Variants in RASSF8 observed in about 807,000 individuals in gnomAD.
RASSF8 encodes ras association domain-containing protein 8.
A neutral mutation model predicts 48.5 loss-of-function variants in RASSF8; 22 were observed. The observed-to-expected ratio is 0.45, with a 90% CI of 0.32 to 0.65. The LOEUF (loss-of-function observed/expected upper bound fraction) is 0.65, where lower values mean the gene tolerates loss of function less well. Among genes scored for constraint, RASSF8 ranks in the 30% least tolerant of loss-of-function variants. RASSF8 has a pLI of 0.03. For synonymous variants in RASSF8, 127 were observed against 171.5 expected (o/e 0.74, Z 2.03); for missense variants, 418 against 489.2 (o/e 0.85, Z 1.37).
In RASSF8 at chr12:26,057,249, G is replaced by C. The variant is rs111911312; in HGVS notation, c.103+1803G>C. On this transcript the variant is annotated intron_variant, in intron 3 of 5. Transcript: ENST00000689635. ...TGCACCCATTAAGTCATTTACATTG[G>C]ATATTTCTCCTAATGCTATCCCTAC... 6.5e-3 allele frequency among the ~76,000 whole-genome samples: 989 copies of C among 152,142 alleles called. 6 individuals are homozygous for C. The highest frequency in any genetic ancestry group is 0.022 in the African/African-American group (933 of 41,492).
At chr12:26,027,236 T>C (rs1942934023) in intron 2 of RASSF8, among the ~76,000 whole-genome samples, 1 of 152,318 alleles carries the variant, frequency 6.6e-6, no homozygotes, top group Middle Eastern at 3.4e-3. Flanking sequence ...GGTTATTTTT[T>C]GGGTAATGAG....
At chr12:26,038,454 T>A (rs1592295953) in intron 2 of RASSF8, among the ~76,000 whole-genome samples, 1 of 152,316 alleles carries the variant, frequency 6.6e-6, no homozygotes, top group East Asian at 1.9e-4. Flanking sequence ...CAAAACTAGA[T>A]ATTTGGCTTT....
At position 25,959,019 on chromosome 12, in the gene RASSF8, G is replaced by A. The variant is rs956041210; in HGVS notation, c.-332G>A. 3 of 146,890 alleles carry A rather than the reference G, an allele frequency of 2.0e-5. No homozygotes were observed. The highest frequency in any genetic ancestry group is 7.3e-5 in the African/African-American group (3 of 40,888). 9.1% of individuals were successfully genotyped at this position (146,890 alleles called of 1,614,324 possible). ...CGGGGCGCGCGGCGCGGGGAGCGCC[G>A]GGGAGTGCCGGGGAGTGCGGCGCGG... On this transcript the variant is annotated 5_prime_UTR_variant, in exon 1 of 6. Transcript: ENST00000689635.
intron 2 of RASSF8, among the ~76,000 whole-genome samples, chr12:26,041,852 T>C (rs1029570994): frequency 7.2e-5 from 11 of 152,104 alleles, no homozygotes; most frequent in Admixed American, 5.9e-4. Flanking sequence ...TAATTTGATA[T>C]ATTGTACCTG....
chr12:26,055,997 C>A (rs932247840), intron 3 of RASSF8, among the ~76,000 whole-genome samples: 1 of 152,060 alleles, frequency 6.6e-6, no homozygotes, highest in Non-Finnish European at 1.5e-5. Flanking sequence ...ACCAGCCTGG[C>A]AAACATGGTC....
intron 2 of RASSF8, among the ~76,000 whole-genome samples, chr12:26,019,571 G>C (rs1453366622): frequency 2.0e-4 from 1 of 4,974 alleles, no homozygotes; most frequent in Non-Finnish European, 7.7e-4. Flanking sequence ...CACTGTGTGT[G>C]TGTGTGTGTG....
chr12:26,019,984 G>T (rs1298393512), intron 2 of RASSF8, among the ~76,000 whole-genome samples: 1 of 152,154 alleles, frequency 6.6e-6, no homozygotes, highest in Non-Finnish European at 1.5e-5. Context: ...GTAACAGGAA[G>T]AAAATGAATG....
intron 1 of RASSF8, among the ~76,000 whole-genome samples, chr12:25,984,750 A>T (rs147120256): frequency 6.6e-6 from 1 of 152,232 alleles, no homozygotes; most frequent in Non-Finnish European, 1.5e-5. Flanking sequence ...AGGAGCTTCA[A>T]GGTAACTTTT....
chr12:25,974,239 AC>A (rs1245163882), intron 1 of RASSF8, among the ~76,000 whole-genome samples: 6 of 152,148 alleles, frequency 3.9e-5, no homozygotes, highest in Non-Finnish European at 8.8e-5. Context: ...TCCTGATCAT[AC>A]AAGCGGAGGA....
At chr12:25,990,122 C>T (rs1176502753) in intron 1 of RASSF8, among the ~76,000 whole-genome samples, 4 of 152,002 alleles carry the variant, frequency 2.6e-5, no homozygotes, top group African/African-American at 9.7e-5. Flanking sequence ...ATCAAGTCAC[C>T]TAATCTTAAC....
chr12:26,023,313 C>G (rs150607662), intron 2 of RASSF8, among the ~76,000 whole-genome samples: 1 of 152,018 alleles, frequency 6.6e-6, no homozygotes, highest in Non-Finnish European at 1.5e-5. Flanking sequence ...CAACAATTTC[C>G]AAGTAAGATA....
intron 2 of RASSF8, among the ~76,000 whole-genome samples, chr12:26,044,244 T>A (rs1943325859): frequency 6.6e-6 from 1 of 152,130 alleles, no homozygotes; most frequent in Admixed American, 6.5e-5. Flanking sequence ...TCCATGAGTT[T>A]CCTGGCAGAG....
At chr12:26,076,938 C>CT (rs1196464967), downstream of RASSF8, among the ~76,000 whole-genome samples, 1 of 152,178 alleles carries the variant, frequency 6.6e-6, no homozygotes, top group Non-Finnish European at 1.5e-5. Context: ...TGTTTCCTGA[C>CT]TTTTTAATGA....
intron 1 of RASSF8, among the ~76,000 whole-genome samples, chr12:25,965,082 A>G (rs1044385548): frequency 3.3e-5 from 5 of 152,000 alleles, no homozygotes; most frequent in African/African-American, 1.2e-4. Flanking sequence ...AGCTGGGACT[A>G]CAGGTCCCCG....
rs1356610756 is a variant in RASSF8, at chr12:26,071,594, C to T, written c.*2776C>T. On this transcript the variant is annotated 3_prime_UTR_variant, in exon 6 of 6. Transcript: ENST00000689635. Reference sequence around the variant, plus strand: ...CCTGTGGACATAGTGTCCATAGTCCCTTTCTTGTCCTTCTGAGATATTTTG... The same window carrying T: ...CCTGTGGACATAGTGTCCATAGTCCTTTTCTTGTCCTTCTGAGATATTTTG... The T allele has an allele frequency of 1.0e-6, 1 of 984,962 alleles. No homozygotes were observed. The highest frequency in any genetic ancestry group is 1.7e-5 in the African/African-American group (1 of 57,190). The allele number at this position is 984,962 out of a possible 1,614,324, so 61.0% of individuals were successfully genotyped here.
At chr12:25,961,593 G>C (rs74955639) in intron 1 of RASSF8, among the ~76,000 whole-genome samples, 12,242 of 152,146 alleles carry the variant, frequency 0.08, 727 homozygotes, top group Non-Finnish European at 0.13. Context: ...AGGTGAGTGA[G>C]CTCGGCCATG....
intron 3 of RASSF8, among the ~76,000 whole-genome samples, chr12:26,064,018 C>T (rs900538009): frequency 4.6e-5 from 7 of 152,146 alleles, no homozygotes; most frequent in African/African-American, 9.7e-5. Flanking sequence ...GAAGTGGGGC[C>T]TCCAGCCCTC....
chr12:26,018,073 G>A (rs555819710), intron 2 of RASSF8, among the ~76,000 whole-genome samples: 2 of 152,238 alleles, frequency 1.3e-5, no homozygotes, highest in African/African-American at 2.4e-5. Flanking sequence ...ATTAACTTTT[G>A]TTAACATTTA....
At position 25,993,478 on chromosome 12, in the gene RASSF8, A is replaced by G. The variant is rs140558658; in HGVS notation, c.-202-1559A>G. ...AAAAGTTGGTTAGGAAGAGATTTTG[A>G]TTTAGGTAAATAAGAATAGTTTAGA... On this transcript the variant is annotated intron_variant, in intron 1 of 5. Coordinates refer to ENST00000689635, the MANE Select transcript of RASSF8 (RefSeq NM_001394098.1). Among the ~76,000 whole-genome samples, 243 of 152,330 alleles carry G rather than the reference A, an allele frequency of 1.6e-3. 2 individuals carry two copies. Among genetic ancestry groups the G allele is most frequent in the Middle Eastern group, 6.8e-3 (2 of 294 alleles).
Sources: allele counts gnomAD v4.1 joint callset (sites outside exome capture counted in the v4.1 genomes callset), GRCh38; gene constraint gnomAD v4.1.1; transcripts MANE v1.5; gene names NCBI Gene and HGNC (gene_info 2026-07-23, HGNC 2026-07-21).